Variants in DLGAP2 observed in about 807,000 individuals in gnomAD.
DLGAP2 encodes the protein disks large-associated protein 2.
In DLGAP2, 26 loss-of-function variants were observed where a neutral mutation model predicts 100.3. The observed-to-expected ratio is 0.26, with a 90% CI of 0.19 to 0.36. The LOEUF (loss-of-function observed/expected upper bound fraction) is 0.36. Ranked by LOEUF, DLGAP2 falls within the 10% of genes least tolerant of loss-of-function variation. DLGAP2 has a pLI of 1.00. For synonymous variants in DLGAP2, 886 were observed against 630.1 expected (o/e 1.41, Z -6.08); for missense variants, 1,858 against 1,453.2 (o/e 1.28, Z -4.53).
chr8:1,023,673 C>T (rs1801692750), intron 2 of DLGAP2, among the ~76,000 whole-genome samples: 1 of 151,924 alleles, frequency 6.6e-6, no homozygotes, highest in South Asian at 2.1e-4. Flanking sequence ...ATTAGCGGCT[C>T]TTGTTTCTTA....
At chr8:1,286,249 C>A (rs1158014264) in intron 3 of DLGAP2, among the ~76,000 whole-genome samples, 2 of 152,156 alleles carry the variant, frequency 1.3e-5, no homozygotes, top group East Asian at 1.9e-4. Context: ...GTGCCTTCTG[C>A]CATGATTGTA....
At chr8:1,579,741 T>G (rs572013622) in intron 6 of DLGAP2, among the ~76,000 whole-genome samples, 30 of 152,348 alleles carry the variant, frequency 2.0e-4, no homozygotes, top group African/African-American at 7.0e-4. Context: ...CTGAGAAGCA[T>G]GCAAAGACGT....
intron 2 of DLGAP2, among the ~76,000 whole-genome samples, chr8:1,076,430 G>A (rs1031093304): frequency 1.8e-4 from 27 of 152,184 alleles, no homozygotes; most frequent in African/African-American, 5.8e-4. Context: ...GCGGAAAGTC[G>A]GATGGGTTAG....
intron 3 of DLGAP2, among the ~76,000 whole-genome samples, chr8:1,318,749 C>T (rs1456929463): frequency 6.7e-6 from 1 of 150,152 alleles, no homozygotes; most frequent in African/African-American, 2.5e-5. Context: ...TTACTGTTTT[C>T]ATTGTAACTA....
intron 8 of DLGAP2, among the ~76,000 whole-genome samples, chr8:1,641,411 C>G (rs1003087746): frequency 3.3e-5 from 5 of 152,128 alleles, no homozygotes; most frequent in Admixed American, 6.5e-5. Flanking sequence ...CGTACTTAGA[C>G]TGGAATTACA....
chr8:1,501,135 G>A (rs1055029934), intron 3 of DLGAP2, among the ~76,000 whole-genome samples: 7 of 152,204 alleles, frequency 4.6e-5, no homozygotes, highest in Non-Finnish European at 8.8e-5. Flanking sequence ...CCGTGTCTAG[G>A]TGGGAGAAAT....
intron 8 of DLGAP2, among the ~76,000 whole-genome samples, chr8:1,635,898 A>G (rs4618723): frequency 0.087 from 13,287 of 152,178 alleles, 1,613 homozygotes; most frequent in African/African-American, 0.27. Flanking sequence ...TTTTCACTCA[A>G]CCTTTAAAGG....
intron 3 of DLGAP2, among the ~76,000 whole-genome samples, chr8:1,367,292 C>T (rs1353237149): frequency 6.6e-6 from 1 of 152,246 alleles, no homozygotes; most frequent in Non-Finnish European, 1.5e-5. Context: ...CAAAAGCTTT[C>T]TCTAGGAATT....
intron 3 of DLGAP2, among the ~76,000 whole-genome samples, chr8:1,443,160 G>A (rs1797886619): frequency 6.6e-6 from 1 of 152,106 alleles, no homozygotes; most frequent in South Asian, 2.1e-4. Flanking sequence ...AATCATTACA[G>A]AAAAACTTAG....
chr8:800,170 G>C (rs905533158), intron 1 of DLGAP2, among the ~76,000 whole-genome samples: 1 of 152,184 alleles, frequency 6.6e-6, no homozygotes, highest in African/African-American at 2.4e-5. Flanking sequence ...TGGTCATGCT[G>C]TGCCCGAGGT....
intron 8 of DLGAP2, among the ~76,000 whole-genome samples, chr8:1,652,038 C>T (rs1326140937): frequency 1.3e-5 from 2 of 152,184 alleles, no homozygotes; most frequent in Non-Finnish European, 2.9e-5. Context: ...TCTCTTTTTC[C>T]TTGAGAATTA....
intron 2 of DLGAP2, among the ~76,000 whole-genome samples, chr8:946,647 A>G (rs981498579): frequency 6.6e-6 from 1 of 152,082 alleles, no homozygotes; most frequent in African/African-American, 2.4e-5. Flanking sequence ...CTAGATTGAA[A>G]TTTTGCATGG....
intron 2 of DLGAP2, among the ~76,000 whole-genome samples, chr8:1,037,046 G>A (rs1289646967): frequency 6.6e-6 from 1 of 152,172 alleles, no homozygotes; most frequent in African/African-American, 2.4e-5. Flanking sequence ...CTGGCCAGAT[G>A]GAGGAGCTCC....
chr8:1,555,023 A>C (rs1801911908), intron 5 of DLGAP2, among the ~76,000 whole-genome samples: 1 of 152,106 alleles, frequency 6.6e-6, no homozygotes, highest in South Asian at 2.1e-4. Flanking sequence ...CTCCACTCTA[A>C]TGCACGTTTG....
At chr8:1,228,262 T>TA (rs1179739942) in intron 2 of DLGAP2, among the ~76,000 whole-genome samples, 1 of 152,070 alleles carries the variant, frequency 6.6e-6, no homozygotes, top group Non-Finnish European at 1.5e-5. Context: ...AATAAAACTT[T>TA]AAAAAAAGGA....
At chr8:1,531,719 A>G (rs1800995907) in intron 4 of DLGAP2, among the ~76,000 whole-genome samples, 1 of 151,448 alleles carries the variant, frequency 6.6e-6, no homozygotes, top group Non-Finnish European at 1.5e-5. Context: ...TTTCTGACCA[A>G]CTCGTGTGGT....
intron 6 of DLGAP2, among the ~76,000 whole-genome samples, chr8:1,599,775 A>G (rs992306374): frequency 3.3e-5 from 5 of 152,086 alleles, no homozygotes; most frequent in Admixed American, 2.6e-4. Flanking sequence ...GTCTTTGTAC[A>G]TGAGATGGGT....
At chr8:959,908 G>C (rs1799683573) in intron 2 of DLGAP2, among the ~76,000 whole-genome samples, 2 of 152,120 alleles carry the variant, frequency 1.3e-5, no homozygotes, top group African/African-American at 4.8e-5. Flanking sequence ...GTGAACAGCT[G>C]TCTCAAAAAG....
chr8:921,941 G>C (rs1563096407), intron 2 of DLGAP2, among the ~76,000 whole-genome samples: 1 of 152,246 alleles, frequency 6.6e-6, no homozygotes, highest in Non-Finnish European at 1.5e-5. Context: ...GGTGATGTCA[G>C]CCTTATCCTA....
Sources: gnomAD v4.1 joint callset for allele counts (sites outside exome capture counted in the v4.1 genomes callset) on GRCh38, gnomAD v4.1.1 for gene constraint, MANE v1.5 for transcripts, NCBI Gene and HGNC (gene_info 2026-07-23, HGNC 2026-07-21) for gene names.